MAP1B: variants seen among roughly 807,000 people sequenced by gnomAD.
MAP1B encodes the protein microtubule-associated protein 1B.
MAP1B carries 12 observed loss-of-function variants against 176.1 expected under a neutral mutation model. The observed-to-expected ratio is 0.07, with a 90% CI of 0.04 to 0.11. The LOEUF is 0.11. Among genes scored for constraint, MAP1B ranks in the 10% least tolerant of loss-of-function variants. MAP1B has a pLI of 1.00. For synonymous variants in MAP1B, 1,044 were observed against 1,135.0 expected (o/e 0.92, Z 1.61); for missense variants, 2,523 against 2,990.5 (o/e 0.84, Z 3.65).
Position 72,196,562 on chromosome 5 carries a change from C to A in MAP1B, c.3207C>A (p.Thr1069=), listed in dbSNP as rs753853927. Reference sequence around the variant, plus strand: ...AGTATGGATTCCTCACCACACCAACCAAGCAACTAGGAGCCCAGTCTCCTG... The same window carrying A: ...AGTATGGATTCCTCACCACACCAACAAAGCAACTAGGAGCCCAGTCTCCTG... ...EEQYGFLTTP[T]KQLGAQSPGR... is the part of the protein sequence containing the mutation. The change falls in exon 5 of 7, where the codon ACC becomes ACA. Residue 1069 remains threonine, a synonymous_variant. Coordinates refer to ENST00000296755, the MANE Select transcript of MAP1B (RefSeq NM_005909.5). The surrounding 1 kb of genome is among the most constrained non-coding windows in gnomAD (Gnocchi z 5.3). 6.2e-7 allele frequency: 1 copy of A among 1,613,758 alleles called. No homozygotes were observed. Among genetic ancestry groups the A allele is most frequent in the East Asian group, 2.2e-5 (1 of 44,880 alleles).
chr5:72,154,549 C>T (rs371876218), intron 2 of MAP1B, among the ~76,000 whole-genome samples: 3 of 152,182 alleles, frequency 2.0e-5, no homozygotes, highest in Admixed American at 6.5e-5. Flanking sequence ...CAGCGGTCCC[C>T]GGCTTCCTGC....
At chr5:72,139,230 AAAACTT>A (rs1293934906) in intron 2 of MAP1B, among the ~76,000 whole-genome samples, 1 of 152,184 alleles carries the variant, frequency 6.6e-6, no homozygotes, top group Admixed American at 6.5e-5. Context: ...ATAAGAGAAA[AAAACTT>A]ACTAATCTAT....
chr5:72,158,908 T>C (rs1746278126), intron 2 of MAP1B, among the ~76,000 whole-genome samples: 1 of 152,216 alleles, frequency 6.6e-6, no homozygotes, highest in Admixed American at 6.5e-5. Context: ...TTGGGCAACA[T>C]GGCCTAATCA....
chr5:72,145,853 A>G (rs902819711), intron 2 of MAP1B, among the ~76,000 whole-genome samples: 2 of 152,236 alleles, frequency 1.3e-5, no homozygotes, highest in Non-Finnish European at 2.9e-5. Context: ...TCATGCATGA[A>G]GCATGACATA....
rs1747482412 is a variant in MAP1B, at chr5:72,207,698, A to G, written c.*2459A>G. On this transcript the variant is annotated 3_prime_UTR_variant, in exon 7 of 7. Coordinates refer to ENST00000296755, the MANE Select transcript of MAP1B (RefSeq NM_005909.5). ...TTTATAACACAACCTAAGATACTCA[A>G]GATAATTATTTAATGGTTAGCTCTT... is the stretch of plus-strand genomic sequence containing the variant. The G allele has an allele frequency of 6.6e-6, 1 of 152,198 alleles. No individual in the cohort carries two copies. Among genetic ancestry groups the G allele is most frequent in the South Asian group, 2.1e-4 (1 of 4,836 alleles). 9.4% of individuals were successfully genotyped at this position (152,198 alleles called of 1,614,324 possible).
intron 1 of MAP1B, among the ~76,000 whole-genome samples, chr5:72,110,687 G>A (rs909423454): frequency 6.6e-6 from 1 of 152,176 alleles, no homozygotes; most frequent in Non-Finnish European, 1.5e-5. Flanking sequence ...GGCTGGGAAG[G>A]CAGTTCCGCA....
intron 2 of MAP1B, among the ~76,000 whole-genome samples, chr5:72,124,156 C>T (rs938234297): frequency 1.3e-5 from 2 of 152,152 alleles, no homozygotes; most frequent in Non-Finnish European, 2.9e-5. Context: ...ACCTAGGCAA[C>T]GATCAAGTAT....
Position 72,195,570 on chromosome 5 carries a change from G to A in MAP1B, c.2215G>A (p.Ala739Thr), listed in dbSNP as rs148693668. 4.7e-5 allele frequency: 76 copies of A among 1,612,538 alleles called. No homozygotes were observed. In the East Asian group the frequency reaches 6.9e-4, roughly 15 times the overall value. ...KKEIKKLPKD[A>T]KKSSTPLSEA... ...AGAAATTAAGAAGCTCCCTAAAGACGCAAAGAAATCATCTACTCCTCTGTC... is the reference window on the plus strand; with the variant it reads ...AGAAATTAAGAAGCTCCCTAAAGACACAAAGAAATCATCTACTCCTCTGTC... Residue 739 changes from alanine to threonine, a missense_variant, in exon 5 of 7, where the codon GCA (alanine) becomes ACA (threonine). Ala to Thr is a moderately conservative substitution (Grantham distance 58). Transcript: ENST00000296755.
intron 2 of MAP1B, among the ~76,000 whole-genome samples, chr5:72,180,508 C>CTTTA (rs1423053063): frequency 3.3e-5 from 5 of 152,096 alleles, no homozygotes; most frequent in African/African-American, 1.2e-4. Context: ...TTTTCTTTTG[C>CTTTA]TTTAAATGCA....
At chr5:72,158,039 T>A (rs1463458236) in intron 2 of MAP1B, among the ~76,000 whole-genome samples, 1 of 138,066 alleles carries the variant, frequency 7.2e-6, no homozygotes, top group Non-Finnish European at 1.5e-5. Flanking sequence ...AGATGGAGTC[T>A]CGCGTTCGCC....
chr5:72,123,607 C>T (rs189703917), intron 2 of MAP1B, among the ~76,000 whole-genome samples: 8 of 152,100 alleles, frequency 5.3e-5, no homozygotes, highest in African/African-American at 1.7e-4. Flanking sequence ...GCCTCAGGCT[C>T]CCGAGTAGCT....
chr5:72,187,595 A>G (rs1178190722), intron 4 of MAP1B, among the ~76,000 whole-genome samples: 2 of 152,134 alleles, frequency 1.3e-5, no homozygotes, highest in Non-Finnish European at 2.9e-5. Context: ...ATGTTCTGAT[A>G]AGAAGAGTCC....
At chr5:72,129,676 A>G (rs1745694593) in intron 2 of MAP1B, among the ~76,000 whole-genome samples, 1 of 152,006 alleles carries the variant, frequency 6.6e-6, no homozygotes, top group East Asian at 1.9e-4. Context: ...TCTCCGCTGC[A>G]GTCACCTATT....
intron 2 of MAP1B, among the ~76,000 whole-genome samples, chr5:72,160,252 T>G (rs935569966): frequency 6.6e-6 from 1 of 152,100 alleles, no homozygotes; most frequent in Non-Finnish European, 1.5e-5. Flanking sequence ...AAAAAAACTT[T>G]CTGTATTCAT....
At chr5:72,121,017 A>G (rs1745519062) in intron 2 of MAP1B, among the ~76,000 whole-genome samples, 1 of 152,250 alleles carries the variant, frequency 6.6e-6, no homozygotes, top group Admixed American at 6.5e-5. Flanking sequence ...AAGGGTGACA[A>G]CATTCTATGG....
intron 2 of MAP1B, among the ~76,000 whole-genome samples, chr5:72,126,170 C>T (rs960494061): frequency 6.6e-6 from 1 of 152,198 alleles, no homozygotes; most frequent in Non-Finnish European, 1.5e-5. Flanking sequence ...TTCCAGGACC[C>T]TTCCCCCTCC....
At chr5:72,165,175 G>C (rs1413281972) in intron 2 of MAP1B, among the ~76,000 whole-genome samples, 1 of 152,074 alleles carries the variant, frequency 6.6e-6, no homozygotes, top group Non-Finnish European at 1.5e-5. Context: ...TCAAAATATA[G>C]TCACCCAATT....
At chr5:72,115,938 C>A in intron 2 of MAP1B, 139 bp downstream of exon 2, 1 of 608,046 alleles carries the variant, frequency 1.6e-6, no homozygotes, top group Non-Finnish European at 3.0e-6. Flanking sequence ...ACTAGGTTAG[C>A]CAGCAGCCAC....
intron 2 of MAP1B, among the ~76,000 whole-genome samples, chr5:72,162,403 C>CT (rs375741442): frequency 1.1e-4 from 16 of 148,508 alleles, no homozygotes; most frequent in East Asian, 3.9e-4. Flanking sequence ...GGGGGGGCAT[C>CT]TTTTTTTTTT....
Sources: allele counts gnomAD v4.1 joint callset (sites outside exome capture counted in the v4.1 genomes callset), GRCh38; gene constraint gnomAD v4.1.1; non-coding constraint Gnocchi (gnomAD v3.1); transcripts MANE v1.5; gene names NCBI Gene and HGNC (gene_info 2026-07-23, HGNC 2026-07-21).